Variants in PCCA observed in about 807,000 individuals in gnomAD.
The protein encoded by PCCA is propionyl-CoA carboxylase alpha chain, mitochondrial.
Under a neutral mutation model 101.3 loss-of-function variants are expected in PCCA, and 74 were observed. That is an observed-to-expected ratio of 0.73 (90% CI 0.61 to 0.89). The LOEUF is 0.89. Among genes scored for constraint, PCCA ranks in the 40% least tolerant of loss-of-function variants. PCCA has a pLI of 0.00. For synonymous variants in PCCA, 294 were observed against 313.6 expected, an observed-to-expected ratio of 0.94 and a Z score of 0.66; for missense variants, 891 against 907.0, an observed-to-expected ratio of 0.98 and a Z score of 0.23.
rs536498745 is a variant in PCCA, at chr13:100,114,955, A to T, written c.300+2894A>T. ...TACACCTAGCACCAGGGAAATCAGT[A>T]TATGGAGGAGATATCTGCACTCCCA... is the stretch of plus-strand genomic sequence containing the variant. On this transcript the variant is annotated intron_variant, in intron 4 of 23. Transcript: ENST00000376285. 3.3e-5 allele frequency among the ~76,000 whole-genome samples: 5 copies of T among 152,344 alleles called. No individual in the cohort carries two copies. In the East Asian group the frequency reaches 9.6e-4, roughly 29 times the overall value.
intron 8 of PCCA, among the ~76,000 whole-genome samples, chr13:100,236,228 A>G (rs1224087052): frequency 6.6e-6 from 1 of 152,220 alleles, no homozygotes; most frequent in East Asian, 1.9e-4. Context: ...CATTTGGATT[A>G]AAATGAAGAT....
At chr13:100,440,156 TTATATATATATATATATATATATATA>T (rs398024171) in intron 20 of PCCA, among the ~76,000 whole-genome samples, 13,205 of 92,884 alleles carry the variant, frequency 0.14, 1,232 homozygotes, top group African/African-American at 0.24. Context: ...GAGTATTAAA[TTATATATATATATATATATATATATA>T]TATATATATA....
intron 4 of PCCA, among the ~76,000 whole-genome samples, chr13:100,153,385 T>C (rs1310150879): frequency 1.3e-5 from 2 of 152,232 alleles, no homozygotes; most frequent in African/African-American, 2.4e-5. Context: ...ATTGAAGTAC[T>C]TGGGAAAGAT....
intron 20 of PCCA, among the ~76,000 whole-genome samples, chr13:100,440,356 T>C (rs2080281478): frequency 6.6e-6 from 1 of 151,214 alleles, no homozygotes; most frequent in Non-Finnish European, 1.5e-5. Context: ...ACACAGAATT[T>C]GAATCAATTT....
At chr13:100,247,087 T>C (rs1190628367) in intron 8 of PCCA, among the ~76,000 whole-genome samples, 1 of 151,862 alleles carries the variant, frequency 6.6e-6, no homozygotes, top group Non-Finnish European at 1.5e-5. Flanking sequence ...TTTTATAGTT[T>C]AGTAGAGATG....
chr13:100,163,569 T>C (rs1296062264), intron 6 of PCCA, among the ~76,000 whole-genome samples: 4 of 152,230 alleles, frequency 2.6e-5, no homozygotes, highest in African/African-American at 9.6e-5. Context: ...TTTTCTTCTT[T>C]AGTTTGCCTT....
intron 4 of PCCA, among the ~76,000 whole-genome samples, chr13:100,138,254 C>G (rs1209534746): frequency 9.9e-5 from 15 of 151,848 alleles, no homozygotes; most frequent in Non-Finnish European, 1.5e-5. Context: ...TTATGACTAT[C>G]TCGTGTAGTT....
chr13:100,282,524 G>A (rs1000739838), intron 12 of PCCA, among the ~76,000 whole-genome samples: 2 of 152,330 alleles, frequency 1.3e-5, no homozygotes, highest in African/African-American at 2.4e-5. Context: ...TGGGCTTGGC[G>A]GGCCCCACAC....
At chr13:100,451,337 GTTT>G (rs1347234492) in intron 21 of PCCA, among the ~76,000 whole-genome samples, 33 of 152,186 alleles carry the variant, frequency 2.2e-4, no homozygotes, top group Admixed American at 1.1e-3. Flanking sequence ...ATCCCTAGAG[GTTT>G]TTAAGTTATT....
chr13:100,291,861 C>G (rs2065150066), intron 12 of PCCA, among the ~76,000 whole-genome samples: 1 of 152,248 alleles, frequency 6.6e-6, no homozygotes, highest in Non-Finnish European at 1.5e-5. Context: ...GCAAGCCAGT[C>G]TGTCTCCATG....
At chr13:100,476,072 T>G (rs529450491) in intron 21 of PCCA, among the ~76,000 whole-genome samples, 1 of 152,302 alleles carries the variant, frequency 6.6e-6, no homozygotes, top group African/African-American at 2.4e-5. Flanking sequence ...AAGCACAGAG[T>G]TCCTTTCATT....
intron 19 of PCCA, 108 bp downstream of exon 19, chr13:100,368,682 C>A: frequency 1.4e-6 from 1 of 726,754 alleles, no homozygotes; most frequent in South Asian, 1.6e-5. Context: ...TGTAGTACCT[C>A]TATGTATTTT....
chr13:100,112,457 C>T (rs2048403183), intron 4 of PCCA, among the ~76,000 whole-genome samples: 1 of 152,066 alleles, frequency 6.6e-6, no homozygotes, highest in South Asian at 2.1e-4. Flanking sequence ...AATGCTTCAA[C>T]GTGTTCAGCT....
In PCCA at chr13:100,136,788, T is replaced by C. The variant is rs187609660; in HGVS notation, c.301-18191T>C. On this transcript the variant is annotated intron_variant, in intron 4 of 23. Transcript: ENST00000376285. ...TCTTATTTTGGATGTCGTTTTTTTCTTCTTTTCTTAGTCTTTTTAGAGATT... is the reference window on the plus strand; with the variant it reads ...TCTTATTTTGGATGTCGTTTTTTTCCTCTTTTCTTAGTCTTTTTAGAGATT... Among the ~76,000 whole-genome samples, 5 of 152,076 alleles carry C rather than the reference T, an allele frequency of 3.3e-5. No individual in the cohort carries two copies. In the East Asian group the frequency reaches 9.6e-4, roughly 29 times the overall value.
rs565496511 is a variant in PCCA, at chr13:100,119,553, A to C, written c.300+7492A>C. ...ACAAAATGAGATTGCACACACACAG[A>C]TACACACCTGTTGAATAGGCTCATG... On this transcript the variant is annotated intron_variant, in intron 4 of 23. Transcript: ENST00000376285. Among the ~76,000 whole-genome samples the C allele has an allele frequency of 2.6e-5, 4 of 152,326 alleles. No individual in the cohort carries two copies. In the East Asian group the frequency reaches 7.7e-4, roughly 29 times the overall value.
chr13:100,154,348 T>C (rs1435680054), intron 4 of PCCA: 2 of 152,786 alleles, frequency 1.3e-5, no homozygotes, highest in African/African-American at 4.8e-5. Flanking sequence ...TTCCTGAATT[T>C]TGAGTAGCTT....
intron 22 of PCCA, among the ~76,000 whole-genome samples, chr13:100,521,361 C>T (rs2087275337): frequency 6.6e-6 from 1 of 152,186 alleles, no homozygotes; most frequent in African/African-American, 2.4e-5. Flanking sequence ...CCTGGGTTCC[C>T]GCGCCCTCCA....
chr13:100,108,682 T>C (rs982554897), intron 2 of PCCA, among the ~76,000 whole-genome samples: 8 of 152,242 alleles, frequency 5.3e-5, no homozygotes, highest in African/African-American at 1.9e-4. Context: ...TATTTTACTT[T>C]GAAGTTGCCA....
chr13:100,187,185 A>G (rs1380619556), intron 6 of PCCA, among the ~76,000 whole-genome samples: 1 of 152,214 alleles, frequency 6.6e-6, no homozygotes, highest in African/African-American at 2.4e-5. Flanking sequence ...ACTCCATTCC[A>G]TGGATGTTTA....
Sources: allele counts gnomAD v4.1 joint callset (sites outside exome capture counted in the v4.1 genomes callset), GRCh38; gene constraint gnomAD v4.1.1; transcripts MANE v1.5; gene names NCBI Gene and HGNC (gene_info 2026-07-23, HGNC 2026-07-21).